The following KIAA2012 variants were observed in gnomAD, a reference collection of about 807,000 sequenced individuals.
The protein encoded by KIAA2012 is uncharacterized protein KIAA2012.
A neutral mutation model predicts 150.6 loss-of-function variants in KIAA2012; 125 were observed. The observed-to-expected ratio is 0.83, with a 90% CI of 0.72 to 0.96. The LOEUF is 0.96. Ranked by LOEUF, KIAA2012 falls within the 40% of genes least tolerant of loss-of-function variation. The pLI is 0.00. For synonymous variants in KIAA2012, 462 were observed against 504.7 expected, an observed-to-expected ratio of 0.92 and a Z score of 1.13; for missense variants, 1,219 against 1,354.9, an observed-to-expected ratio of 0.90 and a Z score of 1.57.
intron 6 of KIAA2012, 51 bp downstream of exon 6, chr2:202,099,847 G>A: frequency 2.1e-6 from 3 of 1,462,384 alleles, no homozygotes; most frequent in Non-Finnish European, 2.8e-6. Flanking sequence ...CAGTCATGCA[G>A]AGTTCATTTA....
chr2:202,174,414 T>C (rs765547686), intron 15 of KIAA2012, among the ~76,000 whole-genome samples: 3 of 152,204 alleles, frequency 2.0e-5, no homozygotes, highest in Non-Finnish European at 2.9e-5. Context: ...ATGACACTGG[T>C]ATTATTTCCA....
intron 13 of KIAA2012, among the ~76,000 whole-genome samples, chr2:202,146,965 A>G (rs1691315273): frequency 6.6e-6 from 1 of 152,118 alleles, no homozygotes; most frequent in Non-Finnish European, 1.5e-5. Context: ...GATTCACACA[A>G]TGCTTGGCAG....
chr2:202,112,108 A>AGGT (rs1486195653), intron 10 of KIAA2012, among the ~76,000 whole-genome samples: 2 of 152,142 alleles, frequency 1.3e-5, no homozygotes, highest in African/African-American at 2.4e-5. Context: ...AAAACACCTG[A>AGGT]GTTTATGCTA....
chr2:202,157,128 G>C (rs913552860), intron 14 of KIAA2012, among the ~76,000 whole-genome samples: 1 of 152,058 alleles, frequency 6.6e-6, no homozygotes, highest in Non-Finnish European at 1.5e-5. Context: ...GTACACGCTC[G>C]GTACACTTTC....
rs905556653 is a variant in KIAA2012, at chr2:202,156,681, C to T, written c.2046+1871C>T. On this transcript the variant is annotated intron_variant, in intron 14 of 23. Coordinates refer to ENST00000498697, the MANE Select transcript of KIAA2012 (RefSeq NM_001277372.4). The stretch of plus-strand genomic sequence containing the variant: ...CGGGCAGATCACGAGGTCAGGAGAT[C>T]GAGACCAGCCTGGCTAACACGGTGA... Among the ~76,000 whole-genome samples the T allele has an allele frequency of 9.9e-5, 15 of 152,202 alleles. No homozygotes were observed. The South Asian group carries it at 1.5e-3, about 15-fold the overall frequency.
chr2:202,119,464 CTA>C (rs1243098223), intron 11 of KIAA2012, among the ~76,000 whole-genome samples: 2 of 151,834 alleles, frequency 1.3e-5, no homozygotes, highest in Non-Finnish European at 2.9e-5. Flanking sequence ...TCAGAGAACC[CTA>C]GAGTCAAGAG....
chr2:202,160,764 A>C (rs927666640), intron 14 of KIAA2012, among the ~76,000 whole-genome samples: 1 of 152,184 alleles, frequency 6.6e-6, no homozygotes, highest in Admixed American at 6.5e-5. Context: ...TTCATGTATC[A>C]TATGGTATGT....
intron 2 of KIAA2012, among the ~76,000 whole-genome samples, chr2:202,079,009 A>G (rs1057117333): frequency 1.3e-5 from 2 of 152,200 alleles, no homozygotes; most frequent in African/African-American, 4.8e-5. Flanking sequence ...CAGCCTGGCT[A>G]ACATGGTGAA....
intron 7 of KIAA2012, among the ~76,000 whole-genome samples, chr2:202,101,676 G>A (rs746055781): frequency 1.2e-4 from 19 of 152,180 alleles, no homozygotes; most frequent in African/African-American, 1.9e-4. Flanking sequence ...CAATGCAAAC[G>A]TTGTCAAACA....
intron 2 of KIAA2012, among the ~76,000 whole-genome samples, chr2:202,075,535 G>T (rs771494854): frequency 2.0e-5 from 3 of 152,170 alleles, no homozygotes; most frequent in Non-Finnish European, 2.9e-5. Flanking sequence ...ATAGCCACAA[G>T]CATCATCATC....
rs1009217411 is a variant in KIAA2012, at chr2:202,073,424, C to A, written c.-204C>A. On this transcript the variant is annotated 5_prime_UTR_variant, in exon 1 of 24. Transcript: ENST00000498697. The stretch of plus-strand genomic sequence containing the variant: ...TGGCTGTGCGGTTTATTTTTTCTCT[C>A]CACAAAGACACACACTGTCTAAACT... The A allele has an allele frequency of 3.9e-6, 2 of 510,590 alleles. No individual in the cohort carries two copies. Among genetic ancestry groups the A allele is most frequent in the African/African-American group, 3.8e-5 (2 of 52,460 alleles). 31.6% of individuals were successfully genotyped at this position (510,590 alleles called of 1,614,324 possible).
chr2:202,175,688 C>T (rs1228865026), intron 15 of KIAA2012, among the ~76,000 whole-genome samples: 1 of 152,154 alleles, frequency 6.6e-6, no homozygotes, highest in African/African-American at 2.4e-5. Context: ...TTGAACTTTC[C>T]AGCCTCTAGA....
intron 14 of KIAA2012, among the ~76,000 whole-genome samples, chr2:202,162,715 C>CGGTG (rs1338880477): frequency 1.3e-5 from 2 of 151,502 alleles, no homozygotes; most frequent in African/African-American, 2.4e-5. Context: ...GGTGGATCAC[C>CGGTG]GGTCAAGAGA....
At chr2:202,203,772 C>CTTT (rs34967234) in intron 23 of KIAA2012, among the ~76,000 whole-genome samples, 2 of 144,000 alleles carry the variant, frequency 1.4e-5, no homozygotes, top group Non-Finnish European at 3.0e-5. Context: ...ACCAGGATGT[C>CTTT]TTTTTTTTTT....
intron 14 of KIAA2012, among the ~76,000 whole-genome samples, chr2:202,155,516 A>G (rs1691509592): frequency 6.6e-6 from 1 of 152,144 alleles, no homozygotes; most frequent in African/African-American, 2.4e-5. Context: ...TGAACTGGAA[A>G]TAAATAGCCA....
At chr2:202,171,140 CA>C (rs965163656) in intron 15 of KIAA2012, among the ~76,000 whole-genome samples, 4 of 142,802 alleles carry the variant, frequency 2.8e-5, no homozygotes, top group African/African-American at 1.0e-4. Context: ...CACACACACA[CA>C]GACATATACA....
In KIAA2012 at chr2:202,129,606, T is replaced by C. The variant is rs1241147139; in HGVS notation, c.1831+4324T>C. 1.3e-5 allele frequency among the ~76,000 whole-genome samples: 2 copies of C among 152,140 alleles called. 1 individual carries two copies. Among genetic ancestry groups the C allele is most frequent in the Non-Finnish European group, 2.9e-5 (2 of 68,034 alleles). ...TAAAAGTGATAGGATTCTGAAAGGA[T>C]TGTGTAGATGGTAGTCTTTGGGTAT... On this transcript the variant is annotated intron_variant, in intron 12 of 23. Coordinates refer to ENST00000498697, the MANE Select transcript of KIAA2012 (RefSeq NM_001277372.4).
chr2:202,091,559 G>T (rs1689722968), intron 3 of KIAA2012, among the ~76,000 whole-genome samples: 1 of 152,158 alleles, frequency 6.6e-6, no homozygotes, highest in Non-Finnish European at 1.5e-5. Flanking sequence ...ATGGGAAGTG[G>T]TTGGGGATTA....
rs200564216 is a variant in KIAA2012 at position 202,159,396 on chromosome 2, GAATT to G, written c.2046+4589_2046+4592del. Among the ~76,000 whole-genome samples, 987 of 150,160 alleles carry G rather than the reference GAATT, an allele frequency of 6.6e-3. 9 individuals carry two copies. Among genetic ancestry groups the G allele is most frequent in the African/African-American group, 0.023 (937 of 41,104 alleles). The stretch of plus-strand genomic sequence containing the variant: ...TCTATTTCCAAAAAAAAAAAAAACA[GAATT>G]AAGTATAATATTATCAATATTAAAG... On this transcript the variant is annotated intron_variant, in intron 14 of 23. Coordinates refer to ENST00000498697, the MANE Select transcript of KIAA2012 (RefSeq NM_001277372.4).
Sources: allele counts gnomAD v4.1 joint callset (sites outside exome capture counted in the v4.1 genomes callset), GRCh38; gene constraint gnomAD v4.1.1; transcripts MANE v1.5; gene names NCBI Gene and HGNC (gene_info 2026-07-23, HGNC 2026-07-21).